PRTG: variants seen among roughly 807,000 people sequenced by gnomAD.
PRTG encodes the protein immunoglobulin superfamily, DCC subclass, member 5.
In PRTG, 67 loss-of-function variants were observed where a neutral mutation model predicts 122.5. The ratio of observed to expected loss-of-function variants is 0.55; its 90% CI spans 0.45 to 0.67. The LOEUF is 0.67. PRTG is among the 30% of genes least tolerant of loss of function. PRTG has a pLI of 0.00. For synonymous variants in PRTG, 554 were observed against 501.1 expected (o/e 1.11, Z -1.41); for missense variants, 1,435 against 1,415.4 (o/e 1.01, Z -0.22).
At chr15:55,640,003 G>T in intron 12 of PRTG, 175 bp from the exon 13 acceptor site, 1 of 973,954 alleles carries the variant, frequency 1.0e-6, no homozygotes, top group Non-Finnish European at 1.2e-6. Context: ...TCTTCCGTGA[G>T]TTATATAAGA....
intron 2 of PRTG, among the ~76,000 whole-genome samples, chr15:55,740,136 C>T (rs1330035066): frequency 2.6e-5 from 4 of 152,212 alleles, no homozygotes; most frequent in Non-Finnish European, 5.9e-5. Context: ...TTTTATAAAG[C>T]CACCTCTACA....
At chr15:55,625,175 A>T (rs887670675) in intron 17 of PRTG, among the ~76,000 whole-genome samples, 1 of 152,222 alleles carries the variant, frequency 6.6e-6, no homozygotes, top group Non-Finnish European at 1.5e-5. Context: ...ATGAAAACAA[A>T]ACCCAAAATA....
chr15:55,645,995 C>T (rs1370921906), intron 11 of PRTG, among the ~76,000 whole-genome samples: 4 of 151,944 alleles, frequency 2.6e-5, no homozygotes, highest in African/African-American at 9.7e-5. Flanking sequence ...AATCACTCCT[C>T]AATTTATTAT....
rs905191053 is a variant in PRTG, at chr15:55,628,848, T to C, written c.2780A>G (p.Lys927Arg). The C allele has an allele frequency of 2.1e-5, 34 of 1,613,662 alleles. No homozygotes were observed. Among genetic ancestry groups the C allele is most frequent in the African/African-American group, 4.0e-5 (3 of 74,912 alleles). The stretch of plus-strand genomic sequence containing the variant: ...TTTGGCATCAGCAGAATCTAAACGC[T>C]TGGGCCTCTGATTTGATTCAGAGGT... ...KETSESNQRP[K>R]RLDSADAKVY... The change falls in exon 16 of 20, where the codon AAG (lysine) becomes AGG (arginine). Residue 927 changes from lysine (K) to arginine (R), a missense_variant. Physicochemically the swap from Lys to Arg is conservative, Grantham distance 26. Coordinates refer to ENST00000389286, the MANE Select transcript of PRTG (RefSeq NM_173814.6).
chr15:55,623,856 C>T (rs2141711715), intron 18 of PRTG, among the ~76,000 whole-genome samples: 2 of 152,282 alleles, frequency 1.3e-5, no homozygotes, highest in East Asian at 3.9e-4. Flanking sequence ...AACGAAGGAT[C>T]TTGAGGCACC....
At chr15:55,650,478 C>T (rs1207311572) in intron 11 of PRTG, among the ~76,000 whole-genome samples, 1 of 152,124 alleles carries the variant, frequency 6.6e-6, no homozygotes, top group Non-Finnish European at 1.5e-5. Context: ...GGAGCACATT[C>T]TCCCTGAGAG....
At chr15:55,697,698 C>A (rs1411813729) in intron 2 of PRTG, among the ~76,000 whole-genome samples, 1 of 152,156 alleles carries the variant, frequency 6.6e-6, no homozygotes, top group Non-Finnish European at 1.5e-5. Context: ...CCATGTTGGC[C>A]AAGCTGGTCT....
At chr15:55,645,984 A>C (rs1357608977) in intron 11 of PRTG, among the ~76,000 whole-genome samples, 1 of 151,978 alleles carries the variant, frequency 6.6e-6, no homozygotes, top group Non-Finnish European at 1.5e-5. Flanking sequence ...AGGTGCATAA[A>C]AATCACTCCT....
At chr15:55,695,934 G>C (rs2059629699) in intron 2 of PRTG, among the ~76,000 whole-genome samples, 1 of 152,088 alleles carries the variant, frequency 6.6e-6, no homozygotes, top group Non-Finnish European at 1.5e-5. Flanking sequence ...TTGCACCATT[G>C]CACTCCAACC....
At chr15:55,651,735 G>T (rs1263691041) in intron 11 of PRTG, among the ~76,000 whole-genome samples, 2 of 152,142 alleles carry the variant, frequency 1.3e-5, no homozygotes, top group African/African-American at 2.4e-5. Flanking sequence ...TTGTTTCTGA[G>T]GCTCCAGAAG....
Position 55,647,828 on chromosome 15 carries a change from T to C in PRTG, c.2042-6620A>G, listed in dbSNP as rs372245760. On this transcript the variant is annotated intron_variant, in intron 11 of 19. Coordinates refer to ENST00000389286, the MANE Select transcript of PRTG (RefSeq NM_173814.6). ...GAACAGAATATCCGCAAATTAGCAA[T>C]TGGCAAATACTGAAGCTCAGTTTAA... 1.6e-4 allele frequency among the ~76,000 whole-genome samples: 24 copies of C among 152,334 alleles called. No homozygotes were observed. In the South Asian group the frequency reaches 3.3e-3, roughly 21 times the overall value.
At chr15:55,738,021 T>TAC (rs1465755534) in intron 2 of PRTG, among the ~76,000 whole-genome samples, 84 of 102,902 alleles carry the variant, frequency 8.2e-4, no homozygotes, top group African/African-American at 2.0e-3. Context: ...TATATATATA[T>TAC]ATATACACAC....
In PRTG at chr15:55,628,814, A is replaced by AT. The variant is rs754062629; in HGVS notation, c.2806+7dup. The AT allele has an allele frequency of 3.1e-6, 5 of 1,610,370 alleles. No individual in the cohort carries two copies. In the African/African-American group the frequency reaches 6.7e-5, roughly 22 times the overall value. Reference sequence around the variant, plus strand: ...GAAAAATCACAGTGACTACGGCAGTATACAGACCTTTGGCATCAGCAGAAT... The same window carrying AT: ...GAAAAATCACAGTGACTACGGCAGTATTACAGACCTTTGGCATCAGCAGAAT... On this transcript the variant is annotated splice_region_variant and intron_variant, in intron 16 of 19. Coordinates refer to ENST00000389286, the MANE Select transcript of PRTG (RefSeq NM_173814.6).
At chr15:55,650,695 T>A (rs572304966) in intron 11 of PRTG, among the ~76,000 whole-genome samples, 1 of 152,240 alleles carries the variant, frequency 6.6e-6, no homozygotes, top group Non-Finnish European at 1.5e-5. Flanking sequence ...CTGAGCTTGG[T>A]GGCTCATGCT....
intron 15 of PRTG, among the ~76,000 whole-genome samples, chr15:55,629,930 G>T (rs922592638): frequency 5.4e-5 from 8 of 147,542 alleles, no homozygotes; most frequent in Non-Finnish European, 7.4e-5. Context: ...CAATTCTCCT[G>T]CCTCACCCAC....
intron 2 of PRTG, among the ~76,000 whole-genome samples, chr15:55,714,107 C>T (rs1202394315): frequency 1.3e-5 from 2 of 152,050 alleles, no homozygotes; most frequent in Non-Finnish European, 2.9e-5. Context: ...TTTTACCTAT[C>T]ATTGCTATGT....
chr15:55,641,120 T>C lies in PRTG; in HGVS notation c.2130A>G (p.Gly710=). 2 of 1,611,956 alleles carry C rather than the reference T, an allele frequency of 1.2e-6. No individual in the cohort carries two copies. Among genetic ancestry groups the C allele is most frequent in the Non-Finnish European group, 1.7e-6 (2 of 1,178,038 alleles). ...GCCATGGCTTTCACTTACACACGCA[T>C]CCTGGAGTGCTGACAGTCTGATCTG... The part of the protein sequence containing the change: ...YQADQTVSTP[G]CVSVRDRMVP... Residue 710 remains glycine (G), a synonymous_variant, in exon 12 of 20, where the codon GGA becomes GGG. Coordinates refer to ENST00000389286, the MANE Select transcript of PRTG (RefSeq NM_173814.6).
At chr15:55,712,687 C>A (rs1019235579) in intron 2 of PRTG, among the ~76,000 whole-genome samples, 1 of 152,104 alleles carries the variant, frequency 6.6e-6, no homozygotes, top group Non-Finnish European at 1.5e-5. Context: ...TCAACATATG[C>A]CCAGGAAAAT....
chr15:55,726,622 CAA>C (rs2031040897), intron 2 of PRTG, among the ~76,000 whole-genome samples: 1 of 121,210 alleles, frequency 8.3e-6, no homozygotes, highest in East Asian at 2.3e-4. Context: ...CAAGTGTTAA[CAA>C]GAGCGAATCT....
Sources: gnomAD v4.1 joint callset for allele counts (sites outside exome capture counted in the v4.1 genomes callset) on GRCh38, gnomAD v4.1.1 for gene constraint, MANE v1.5 for transcripts, NCBI Gene and HGNC (gene_info 2026-07-23, HGNC 2026-07-21) for gene names.